Variants in SLC9A9 observed in about 807,000 individuals in gnomAD.
The protein encoded by SLC9A9 is solute carrier family 9 member A9, also known as sodium/hydrogen exchanger 9.
SLC9A9 carries 62 observed loss-of-function variants against 77.8 expected under a neutral mutation model. The ratio of observed to expected loss-of-function variants is 0.80; its 90% confidence interval spans 0.65 to 0.98. The LOEUF is 0.98. Among genes scored for constraint, SLC9A9 ranks in the 50% least tolerant of loss-of-function variants. The pLI is 0.00. For synonymous variants in SLC9A9, 320 were observed against 283.5 expected, an observed-to-expected ratio of 1.13 and a Z score of -1.29; for missense variants, 775 against 774.9, an observed-to-expected ratio of 1.00 and a Z score of 0.00.
At chr3:143,694,720 C>A (rs1933576404) in intron 4 of SLC9A9, among the ~76,000 whole-genome samples, 1 of 152,114 alleles carries the variant, frequency 6.6e-6, no homozygotes, top group Admixed American at 6.6e-5. Flanking sequence ...GGCTTTTAAC[C>A]ATCACACTGT....
chr3:143,678,859 C>T (rs1377562991), intron 5 of SLC9A9, among the ~76,000 whole-genome samples: 1 of 152,190 alleles, frequency 6.6e-6, no homozygotes, highest in African/African-American at 2.4e-5. Context: ...AAGCTTTCTT[C>T]TCATCACCAA....
chr3:143,720,546 G>A (rs114271370), intron 4 of SLC9A9, among the ~76,000 whole-genome samples: 3,964 of 152,226 alleles, frequency 0.026, 163 homozygotes, highest in African/African-American at 0.09. Context: ...CAGGTGTACC[G>A]AGGTGTCAGG....
intron 4 of SLC9A9, among the ~76,000 whole-genome samples, chr3:143,697,062 T>C (rs1432502109): frequency 6.6e-6 from 1 of 151,812 alleles, no homozygotes; most frequent in African/African-American, 2.4e-5. Flanking sequence ...AGCAATCTTC[T>C]ACATGTCAAA....
chr3:143,524,830 G>A (rs182248807), intron 9 of SLC9A9, among the ~76,000 whole-genome samples: 2 of 152,252 alleles, frequency 1.3e-5, no homozygotes, highest in African/African-American at 4.8e-5. Context: ...ATGAGAATAC[G>A]TTGTAATAAA....
chr3:143,793,712 A>T (rs993161844), intron 4 of SLC9A9, among the ~76,000 whole-genome samples: 1 of 152,220 alleles, frequency 6.6e-6, no homozygotes, highest in African/African-American at 2.4e-5. Context: ...AGATGGTAAG[A>T]TTGAGCCAAC....
intron 12 of SLC9A9, among the ~76,000 whole-genome samples, chr3:143,405,519 G>C (rs1423815393): frequency 6.6e-6 from 1 of 152,182 alleles, no homozygotes; most frequent in African/African-American, 2.4e-5. Flanking sequence ...TGGCACCTCT[G>C]TCTATGAGTA....
chr3:143,591,668 C>A (rs2037647318), intron 6 of SLC9A9, among the ~76,000 whole-genome samples: 1 of 145,476 alleles, frequency 6.9e-6, no homozygotes. Context: ...AACACAGAGT[C>A]AGAGGCTAGA....
chr3:143,700,403 C>T lies in SLC9A9; in HGVS notation c.534-7096G>A, dbSNP rs145122673. Among the ~76,000 whole-genome samples, 350 of 151,932 alleles carry T rather than the reference C, an allele frequency of 2.3e-3. 2 individuals are homozygous for T. The highest frequency in any genetic ancestry group is 6.8e-3 in the Middle Eastern group (2 of 292). The stretch of plus-strand genomic sequence containing the variant: ...AGACTCTTGGGCTCTTGGACAGCAT[C>T]GGTAGACCTGCCCTGGGCCAGAGGG... On this transcript the variant is annotated intron_variant, in intron 4 of 15. Coordinates refer to ENST00000316549, the MANE Select transcript of SLC9A9 (RefSeq NM_173653.4).
intron 4 of SLC9A9, among the ~76,000 whole-genome samples, chr3:143,727,588 A>C (rs1372185689): frequency 6.6e-6 from 1 of 151,980 alleles, no homozygotes; most frequent in East Asian, 1.9e-4. Context: ...TATTTTATTC[A>C]CTACCGAGGG....
intron 6 of SLC9A9, among the ~76,000 whole-genome samples, chr3:143,582,188 C>T (rs774155406): frequency 6.6e-5 from 10 of 152,126 alleles, no homozygotes; most frequent in Admixed American, 5.2e-4. Flanking sequence ...GAAACTGACA[C>T]CTGTGCCTCT....
intron 6 of SLC9A9, among the ~76,000 whole-genome samples, chr3:143,594,186 A>T (rs187448388): frequency 6.6e-6 from 1 of 152,384 alleles, no homozygotes; most frequent in Non-Finnish European, 1.5e-5. Flanking sequence ...GCAAGATATA[A>T]AAAGGTAATT....
At chr3:143,489,923 A>G (rs188703047) in intron 11 of SLC9A9, among the ~76,000 whole-genome samples, 27 of 152,264 alleles carry the variant, frequency 1.8e-4, no homozygotes, top group Admixed American at 6.5e-4. Context: ...AAAAATGCTT[A>G]GCATCACTAT....
At chr3:143,587,160 G>C (rs17581622) in intron 6 of SLC9A9, among the ~76,000 whole-genome samples, 18,607 of 152,184 alleles carry the variant, frequency 0.12, 1,264 homozygotes, top group Non-Finnish European at 0.16. Context: ...GCAATCTCAG[G>C]CTGAATTAAT....
intron 2 of SLC9A9, among the ~76,000 whole-genome samples, chr3:143,799,970 A>G (rs1483220502): frequency 6.6e-6 from 1 of 152,066 alleles, no homozygotes; most frequent in Non-Finnish European, 1.5e-5. Context: ...TAAAACTCCC[A>G]ACTCTGGTGC....
intron 5 of SLC9A9, among the ~76,000 whole-genome samples, chr3:143,655,813 AATGG>A (rs2038879116): frequency 6.6e-6 from 1 of 152,114 alleles, no homozygotes; most frequent in Non-Finnish European, 1.5e-5. Context: ...TCAGCCATCA[AATGG>A]TAAGGGTCTT....
Position 143,356,646 on chromosome 3 carries a change from T to C in SLC9A9, c.1604+6838A>G, listed in dbSNP as rs140474024. On this transcript the variant is annotated intron_variant, in intron 14 of 15. Transcript: ENST00000316549. ...AGTGATCCTCCTGCCTCAGCCTTCCTAGTTGGTAGGACTACAGGTGCATGC... is the reference window on the plus strand; with the variant it reads ...AGTGATCCTCCTGCCTCAGCCTTCCCAGTTGGTAGGACTACAGGTGCATGC... 3.8e-3 allele frequency among the ~76,000 whole-genome samples: 583 copies of C among 152,256 alleles called. 4 individuals carry two copies. Among genetic ancestry groups the C allele is most frequent in the African/African-American group, 0.013 (555 of 41,560 alleles).
At chr3:143,319,423 T>C (rs2031335293) in intron 14 of SLC9A9, among the ~76,000 whole-genome samples, 1 of 152,208 alleles carries the variant, frequency 6.6e-6, no homozygotes, top group Non-Finnish European at 1.5e-5. Flanking sequence ...AATTAGTGAA[T>C]GTCTGTCATT....
chr3:143,324,146 C>T (rs1015237224), intron 14 of SLC9A9, among the ~76,000 whole-genome samples: 1 of 152,080 alleles, frequency 6.6e-6, no homozygotes, highest in Non-Finnish European at 1.5e-5. Flanking sequence ...AGTACCTGCT[C>T]TATTGGGAGG....
chr3:143,775,378 A>G (rs1183177424), intron 4 of SLC9A9, among the ~76,000 whole-genome samples: 1 of 152,218 alleles, frequency 6.6e-6, no homozygotes, highest in East Asian at 1.9e-4. Flanking sequence ...TATTATCTCC[A>G]GGAAAAATTA....
Sources: gnomAD v4.1 joint callset for allele counts (sites outside exome capture counted in the v4.1 genomes callset) on GRCh38, gnomAD v4.1.1 for gene constraint, MANE v1.5 for transcripts, NCBI Gene and HGNC (gene_info 2026-07-23, HGNC 2026-07-21) for gene names.